The following TSHZ3 variants were observed in gnomAD, a reference collection of about 807,000 sequenced individuals.
TSHZ3 encodes the protein teashirt zinc finger homeobox 3.
A neutral mutation model predicts 64.5 loss-of-function variants in TSHZ3; 10 were observed. The observed-to-expected ratio is 0.16, with a 90% CI of 0.10 to 0.26. The LOEUF (loss-of-function observed/expected upper bound fraction) is 0.26. Among genes scored for constraint, TSHZ3 ranks in the 10% least tolerant of loss-of-function variants. TSHZ3 has a pLI of 1.00. For synonymous variants in TSHZ3, 608 were observed against 593.1 expected, an observed-to-expected ratio of 1.03 and a Z score of -0.36; for missense variants, 1,242 against 1,421.7, an observed-to-expected ratio of 0.87 and a Z score of 2.03.
intron 3 of TSHZ3, among the ~76,000 whole-genome samples, chr19:31,229,664 A>C (rs1315426320): frequency 6.6e-6 from 1 of 152,242 alleles, no homozygotes; most frequent in Non-Finnish European, 1.5e-5. Context: ...CCATAACTAT[A>C]TCTAAGAGCA....
intron 1 of TSHZ3, among the ~76,000 whole-genome samples, chr19:31,337,720 A>AACACACACACACAC (rs372251116): frequency 0.017 from 2,440 of 146,034 alleles, 54 homozygotes; most frequent in African/African-American, 0.045. Flanking sequence ...TTTCAAAATA[A>AACACACACACACAC]ACACACACAC....
chr19:31,310,744 G>A (rs2085452152), intron 1 of TSHZ3, among the ~76,000 whole-genome samples: 1 of 152,178 alleles, frequency 6.6e-6, no homozygotes, highest in African/African-American at 2.4e-5. Context: ...CTACGTTTCT[G>A]GTTCTTCCCT....
At chr19:31,241,631 A>T (rs1975690982) in intron 3 of TSHZ3, among the ~76,000 whole-genome samples, 1 of 152,184 alleles carries the variant, frequency 6.6e-6, no homozygotes, top group Non-Finnish European at 1.5e-5. Context: ...CATTGTGCAG[A>T]CTGCAGCCAT....
intron 4 of TSHZ3, among the ~76,000 whole-genome samples, chr19:31,208,526 T>TA (rs1975217035): frequency 6.6e-6 from 1 of 152,158 alleles, no homozygotes; most frequent in Admixed American, 6.5e-5. Context: ...TGTGAGCAGA[T>TA]AAAAACATCA....
chr19:31,159,372 T>A (rs1178177809), intron 5 of TSHZ3, among the ~76,000 whole-genome samples: 1 of 152,206 alleles, frequency 6.6e-6, no homozygotes, highest in Non-Finnish European at 1.5e-5. Context: ...TAAAATCAGC[T>A]GGCTAGCAAA....
chr19:31,171,398 T>G (rs1418463681), intron 5 of TSHZ3, among the ~76,000 whole-genome samples: 2 of 152,112 alleles, frequency 1.3e-5, no homozygotes, highest in Non-Finnish European at 2.9e-5. Context: ...TCTTCCCAAC[T>G]GATTCAAATT....
chr19:31,156,074 C>A (rs1343820641), intron 6 of TSHZ3, among the ~76,000 whole-genome samples: 2 of 152,156 alleles, frequency 1.3e-5, no homozygotes, highest in African/African-American at 4.8e-5. Flanking sequence ...GTTGTGAAAA[C>A]CTGAGTTCCT....
intron 1 of TSHZ3, among the ~76,000 whole-genome samples, chr19:31,264,824 A>G (rs986668957): frequency 1.3e-5 from 2 of 151,926 alleles, no homozygotes; most frequent in African/African-American, 4.8e-5. Context: ...TGCGCAGTTC[A>G]GGTGCCAGAG....
intron 5 of TSHZ3, among the ~76,000 whole-genome samples, chr19:31,176,251 A>C (rs1974605219): frequency 6.6e-6 from 1 of 152,140 alleles, no homozygotes; most frequent in Non-Finnish European, 1.5e-5. Flanking sequence ...ATCCGGACCA[A>C]AGGAGGTGAG....
intron 3 of TSHZ3, among the ~76,000 whole-genome samples, chr19:31,228,988 A>G (rs1975506668): frequency 6.6e-6 from 1 of 152,168 alleles, no homozygotes; most frequent in South Asian, 2.1e-4. Flanking sequence ...GAGTCCAGTA[A>G]TATTAGTCCT....
chr19:31,349,051 G>A, intron 1 of TSHZ3, 129 bp downstream of exon 1: 1 of 1,234,574 alleles, frequency 8.1e-7, no homozygotes, highest in Non-Finnish European at 1.1e-6. Flanking sequence ...CCAAACAGGA[G>A]AGCGGCGCCC....
At chr19:31,346,801 A>T (rs2021534339) in intron 1 of TSHZ3, among the ~76,000 whole-genome samples, 1 of 152,060 alleles carries the variant, frequency 6.6e-6, no homozygotes, top group Admixed American at 6.6e-5. Flanking sequence ...CACCCCCAAA[A>T]AAAAAACCTC....
At chr19:31,204,658 C>T (rs940494106) in intron 5 of TSHZ3, 1 of 152,218 alleles carries the variant, frequency 6.6e-6, no homozygotes, top group Non-Finnish European at 1.5e-5. Flanking sequence ...ATAGGCATTG[C>T]TTTGTTTGCT....
intron 1 of TSHZ3, among the ~76,000 whole-genome samples, chr19:31,315,371 A>C (rs570319229): frequency 2.0e-5 from 3 of 152,194 alleles, no homozygotes; most frequent in Non-Finnish European, 4.4e-5. Context: ...CTTGGGACTG[A>C]TAAGTCCATT....
chr19:31,253,527 A>AT (rs924986291), intron 1 of TSHZ3, among the ~76,000 whole-genome samples: 21 of 152,134 alleles, frequency 1.4e-4, no homozygotes, highest in African/African-American at 4.6e-4. Context: ...ATAATTATTA[A>AT]TTTTTTTTAA....
intron 1 of TSHZ3, among the ~76,000 whole-genome samples, chr19:31,244,258 G>C (rs1034405476): frequency 8.6e-5 from 13 of 152,044 alleles, no homozygotes; most frequent in African/African-American, 3.1e-4. Context: ...GAGTGAGTGA[G>C]TGCTCATTAG....
At chr19:31,272,370 G>A (rs974797480), downstream of TSHZ3, among the ~76,000 whole-genome samples, 1 of 152,174 alleles carries the variant, frequency 6.6e-6, no homozygotes, top group Non-Finnish European at 1.5e-5. Context: ...CTGCCGCCCT[G>A]AACTCAGCTG....
In TSHZ3 at chr19:31,301,475, C is replaced by T. The variant is rs184970157; in HGVS notation, c.41-21723G>A. On this transcript the variant is annotated intron_variant, in intron 1 of 1. Coordinates refer to ENST00000240587, the MANE Select transcript of TSHZ3 (RefSeq NM_020856.4). ...CTCAAACACCTCGCCCTGGTCACGC[C>T]GTCTTGTCCACAATTATGGCAACAT... 8.5e-5 allele frequency among the ~76,000 whole-genome samples: 13 copies of T among 152,306 alleles called. No individual in the cohort carries two copies. The East Asian group carries it at 1.5e-3, about 18-fold the overall frequency.
At chr19:31,340,159 G>C (rs1042656529) in intron 1 of TSHZ3, among the ~76,000 whole-genome samples, 4 of 151,858 alleles carry the variant, frequency 2.6e-5, no homozygotes, top group African/African-American at 9.7e-5. Context: ...TATGGCGAGA[G>C]GATTTATGAA....
Sources: allele counts gnomAD v4.1 joint callset (sites outside exome capture counted in the v4.1 genomes callset), GRCh38; gene constraint gnomAD v4.1.1; transcripts MANE v1.5; gene names NCBI Gene and HGNC (gene_info 2026-07-23, HGNC 2026-07-21).